SLC22A24: variants seen among roughly 807,000 people sequenced by gnomAD.
The protein encoded by SLC22A24 is steroid transmembrane transporter SLC22A24.
A neutral mutation model predicts 49.8 loss-of-function variants in SLC22A24; 53 were observed. The observed-to-expected ratio is 1.06, with a 90% CI of 0.85 to 1.34. The LOEUF is 1.34. Among genes scored for constraint, SLC22A24 ranks in the 40% most tolerant of loss-of-function variants. The pLI is 0.00. For missense variants in SLC22A24, 786 were observed against 675.9 expected (o/e 1.16, Z -1.81); for synonymous variants, 302 against 256.4 (o/e 1.18, Z -1.70).
chr11:63,089,867 G>C (rs1303459488), intron 6 of SLC22A24, among the ~76,000 whole-genome samples: 3 of 151,976 alleles, frequency 2.0e-5, no homozygotes, highest in South Asian at 2.1e-4. Context: ...GGATCACAAG[G>C]TCAGGAGGTC....
At chr11:63,142,130 G>GA (rs1420062880) in intron 1 of SLC22A24, among the ~76,000 whole-genome samples, 3 of 152,074 alleles carry the variant, frequency 2.0e-5, no homozygotes, top group Non-Finnish European at 4.4e-5. Flanking sequence ...CTATAGATGA[G>GA]AGTACTAATA....
chr11:63,128,863 C>T (rs1217560123), intron 2 of SLC22A24, among the ~76,000 whole-genome samples: 2 of 152,128 alleles, frequency 1.3e-5, no homozygotes, highest in Non-Finnish European at 2.9e-5. Context: ...TGGTAGTGGT[C>T]CCCCAGGCAC....
chr11:63,083,451 T>A lies in SLC22A24; in HGVS notation c.1077A>T (p.Ala359=). The A allele has an allele frequency of 6.4e-7, 1 of 1,550,764 alleles. No homozygotes were observed. Among genetic ancestry groups the A allele is most frequent in the Middle Eastern group, 1.7e-4 (1 of 5,988 alleles). Reference sequence around the variant, plus strand: ...TCAGGCCATAAAAGGGTACAGTGATTGCGAATCTGAAGTGAATAAAAAGGA... The same window carrying A: ...TCAGGCCATAAAAGGGTACAGTGATAGCGAATCTGAAGTGAATAAAAAGGA... ...RVFGLCFVRF[A]ITVPFYGLIL... is the part of the protein sequence containing the mutation. The change falls in exon 7 of 10, where the codon GCA becomes GCT. Residue 359 remains alanine (A), a synonymous_variant. Transcript: ENST00000612278.
chr11:63,099,265 A>G (rs1337518609), intron 5 of SLC22A24, among the ~76,000 whole-genome samples: 2 of 150,216 alleles, frequency 1.3e-5, no homozygotes, highest in South Asian at 2.1e-4. Flanking sequence ...TGATGCTTTC[A>G]TGGCTTATAG....
In SLC22A24 at chr11:63,096,096, G is replaced by T; in HGVS notation, c.965C>A (p.Ser322Tyr). 1 of 1,548,710 alleles carries T rather than the reference G, an allele frequency of 6.5e-7. No individual in the cohort carries two copies. Among genetic ancestry groups the T allele is most frequent in the Non-Finnish European group, 8.7e-7 (1 of 1,144,532 alleles). The change falls in exon 6 of 10, where the codon TCC (serine) becomes TAC (tyrosine). Residue 322 changes from serine (S) to tyrosine (Y), a missense_variant. Coordinates refer to ENST00000612278, the MANE Select transcript of SLC22A24 (RefSeq NM_001136506.2). The part of the protein sequence containing the change: ...EETLTTELVR[S>Y]TMKKELDAVR... ...TGCATCCAACTCCTTCTTCATGGTG[G>T]ATCTCACAAGCTTCAGCAACAAAAA... is the stretch of plus-strand genomic sequence containing the variant.
chr11:63,143,330 C>G, intron 1 of SLC22A24, 48 bp downstream of exon 1: 3 of 1,394,190 alleles, frequency 2.2e-6, no homozygotes, highest in Non-Finnish European at 2.8e-6. Flanking sequence ...TGTGTTAACT[C>G]CAAACACTTT....
At chr11:63,085,314 G>T (rs1485347066) in intron 6 of SLC22A24, among the ~76,000 whole-genome samples, 1 of 152,128 alleles carries the variant, frequency 6.6e-6, no homozygotes, top group Non-Finnish European at 1.5e-5. Flanking sequence ...AAAAAGGTTG[G>T]GAATATGCCC....
rs199795089 is a variant in SLC22A24, at chr11:63,143,511, C to T, written c.269G>A (p.Arg90His). Reference sequence around the variant, plus strand: ...GAGCTGCCACTGGGGATGGATAAAGCGCTGACACTTCTGTGGCCTCAGGTT... The same window carrying T: ...GAGCTGCCACTGGGGATGGATAAAGTGCTGACACTTCTGTGGCCTCAGGTT... Reference protein sequence around the residue: ...DSNLRPQKCQRFIHPQWQLLH... With the variant: ...DSNLRPQKCQHFIHPQWQLLH... Residue 90 changes from arginine to histidine, a missense_variant, in exon 1 of 10, where the codon CGC becomes CAC. Physicochemically the swap from Arg to His is conservative, Grantham distance 29 (BLOSUM62 0). Coordinates refer to ENST00000612278, the MANE Select transcript of SLC22A24 (RefSeq NM_001136506.2). The T allele has an allele frequency of 1.1e-4, 175 of 1,599,714 alleles. 1 individual carries two copies. The highest frequency in any genetic ancestry group is 6.0e-4 in the East Asian group (26 of 43,684).
At chr11:63,134,208 A>C (rs1463216629) in intron 2 of SLC22A24, among the ~76,000 whole-genome samples, 2 of 152,122 alleles carry the variant, frequency 1.3e-5, no homozygotes, top group Non-Finnish European at 2.9e-5. Flanking sequence ...AATGATGGCC[A>C]GTCTAAAAGT....
In SLC22A24 at chr11:63,113,029, AAAAAAAAT is replaced by A. The variant is rs1234285204; in HGVS notation, c.830+5875_830+5882del. Reference sequence around the variant, plus strand: ...TCTGTCTCAAAAAAAAAAAAAAAAAAAAAAAAATATATATATATATATATACATATATA... The same window carrying A: ...TCTGTCTCAAAAAAAAAAAAAAAAAAATATATATATATATATACATATATA... On this transcript the variant is annotated intron_variant, in intron 4 of 9. Coordinates refer to ENST00000612278, the MANE Select transcript of SLC22A24 (RefSeq NM_001136506.2). Among the ~76,000 whole-genome samples the A allele has an allele frequency of 1.8e-4, 9 of 50,902 alleles. 1 individual carries two copies. Among genetic ancestry groups the A allele is most frequent in the African/African-American group, 7.4e-4 (9 of 12,216 alleles). 33.4% of individuals were successfully genotyped at this position (50,902 alleles called of 152,430 possible).
At chr11:63,084,951 T>TA (rs1185319208) in intron 6 of SLC22A24, among the ~76,000 whole-genome samples, 3 of 151,900 alleles carry the variant, frequency 2.0e-5, no homozygotes, top group Non-Finnish European at 4.4e-5. Flanking sequence ...TTTTTTTTTT[T>TA]TTATTACTGA....
intron 2 of SLC22A24, among the ~76,000 whole-genome samples, chr11:63,120,850 T>A (rs1030413623): frequency 2.6e-5 from 4 of 152,100 alleles, no homozygotes; most frequent in African/African-American, 9.7e-5. Context: ...TGAGGCAACT[T>A]AGAATAGAAT....
chr11:63,082,448 C>T (rs1285352018), intron 7 of SLC22A24, among the ~76,000 whole-genome samples: 7 of 152,160 alleles, frequency 4.6e-5, no homozygotes, highest in African/African-American at 1.7e-4. Flanking sequence ...ATGGAGCCCA[C>T]CAGTCTGGGA....
chr11:63,082,268 T>G (rs1353754265), intron 7 of SLC22A24, among the ~76,000 whole-genome samples: 1 of 152,192 alleles, frequency 6.6e-6, no homozygotes, highest in Non-Finnish European at 1.5e-5. Flanking sequence ...TTGTAAAACC[T>G]AACATTATAA....
chr11:63,111,120 T>C (rs1437926943), intron 4 of SLC22A24, among the ~76,000 whole-genome samples: 1 of 152,054 alleles, frequency 6.6e-6, no homozygotes. Flanking sequence ...GTGGTTTTTG[T>C]CTTTGGTTCT....
At chr11:63,095,133 T>C (rs998879621) in intron 6 of SLC22A24, among the ~76,000 whole-genome samples, 2 of 152,232 alleles carry the variant, frequency 1.3e-5, no homozygotes, top group Non-Finnish European at 2.9e-5. Context: ...TTTAAGTCTT[T>C]AATCCATCTT....
intron 2 of SLC22A24, among the ~76,000 whole-genome samples, chr11:63,123,714 T>G (rs77455089): frequency 0.078 from 11,941 of 152,234 alleles, 496 homozygotes; most frequent in African/African-American, 0.1. Flanking sequence ...CTGTTTCTCT[T>G]CCTAGCAGTC....
intron 2 of SLC22A24, among the ~76,000 whole-genome samples, chr11:63,120,658 G>T (rs1185184912): frequency 6.6e-6 from 1 of 151,942 alleles, no homozygotes; most frequent in Non-Finnish European, 1.5e-5. Flanking sequence ...AGTTAACTTT[G>T]ACCAAATTAC....
intron 6 of SLC22A24, among the ~76,000 whole-genome samples, chr11:63,089,483 C>G (rs559125545): frequency 7.2e-4 from 110 of 152,228 alleles, no homozygotes; most frequent in Middle Eastern, 3.4e-3. Context: ...ATATACAGAG[C>G]AATAACACTA....
Sources: allele counts gnomAD v4.1 joint callset (sites outside exome capture counted in the v4.1 genomes callset), GRCh38; gene constraint gnomAD v4.1.1; transcripts MANE v1.5; gene names NCBI Gene and HGNC (gene_info 2026-07-23, HGNC 2026-07-21).